The following AK9 variants were observed in gnomAD, a reference collection of about 807,000 sequenced individuals.
The protein encoded by AK9 is adenylate kinase domain containing 1.
AK9 carries 191 observed loss-of-function variants against 239.6 expected under a neutral mutation model. The observed-to-expected ratio is 0.80, with a 90% CI of 0.71 to 0.90. The LOEUF (loss-of-function observed/expected upper bound fraction) is 0.90. Among genes scored for constraint, AK9 ranks in the 40% least tolerant of loss-of-function variants. The pLI is 0.00. For missense variants in AK9, 1,995 were observed against 2,214.7 expected (o/e 0.90, Z 1.99); for synonymous variants, 689 against 721.0 (o/e 0.96, Z 0.71).
chr6:109,545,643 T>A (rs1783452255), intron 26 of AK9, among the ~76,000 whole-genome samples: 1 of 152,104 alleles, frequency 6.6e-6, no homozygotes, highest in Non-Finnish European at 1.5e-5. Flanking sequence ...TGTCTTTCTT[T>A]TGTAAATTGC....
At chr6:109,533,513 TG>T (rs1461164538) in intron 27 of AK9, 43 bp from the exon 28 acceptor site, 1 of 1,460,382 alleles carries the variant, frequency 6.8e-7, no homozygotes, top group East Asian at 2.3e-5. Context: ...ATTAAAATGT[TG>T]TAATGGATGT....
intron 39 of AK9, among the ~76,000 whole-genome samples, chr6:109,494,849 A>C (rs1776873728): frequency 6.7e-6 from 1 of 150,148 alleles, no homozygotes; most frequent in South Asian, 2.1e-4. Flanking sequence ...AAAAAGTTAT[A>C]CTTGGATAAA....
intron 20 of AK9, among the ~76,000 whole-genome samples, chr6:109,576,751 T>G (rs1011713853): frequency 6.6e-6 from 1 of 151,974 alleles, no homozygotes; most frequent in Non-Finnish European, 1.5e-5. Flanking sequence ...TGGGCATCCT[T>G]GTCTTGTTCT....
rs754683982 is a variant in AK9 at position 109,499,129 on chromosome 6, A to C, written c.4961T>G (p.Phe1654Cys). ...PVSLAESQEL[F>C]DCSATDSLEF... ...CAAGGAGTCAGTTGCAGAGCAATCA[A>C]ATAATTCCTGGGATTCTGCCAGGCT... The change falls in exon 36 of 41, where the codon TTT becomes TGT. Residue 1654 changes from phenylalanine (F) to cysteine (C), a missense_variant. Around this residue, in one of 5 missense-constraint regions of AK9, gnomAD observed 391 missense variants for 456.0 expected, o/e 0.86. Coordinates refer to ENST00000424296, the MANE Select transcript of AK9 (RefSeq NM_001145128.3). 1 of 1,610,758 alleles carries C rather than the reference A, an allele frequency of 6.2e-7. No homozygotes were observed. The highest frequency in any genetic ancestry group is 8.5e-7 in the Non-Finnish European group (1 of 1,178,416).
intron 33 of AK9, among the ~76,000 whole-genome samples, chr6:109,508,938 C>T (rs1254446477): frequency 6.6e-6 from 1 of 152,144 alleles, no homozygotes; most frequent in Admixed American, 6.5e-5. Context: ...TTGGACAACT[C>T]AGGGGTTGCT....
intron 17 of AK9, among the ~76,000 whole-genome samples, chr6:109,608,078 C>A (rs550354857): frequency 6.6e-6 from 1 of 151,790 alleles, no homozygotes; most frequent in East Asian, 1.9e-4. Context: ...GAGTTCTAGG[C>A]CACATTGGCC....
intron 27 of AK9, among the ~76,000 whole-genome samples, chr6:109,537,105 G>A (rs183985086): frequency 8.1e-4 from 123 of 152,282 alleles, no homozygotes; most frequent in African/African-American, 2.8e-3. Flanking sequence ...GTATCAGGAT[G>A]ATGTTGGCCT....
Position 109,671,997 on chromosome 6 carries a change from T to C in AK9, c.253A>G (p.Ser85Gly), listed in dbSNP as rs143883482. The C allele has an allele frequency of 3.8e-4, 610 of 1,614,016 alleles. 2 individuals carry two copies. The African/African-American group carries it at 6.8e-3, about 18-fold the overall frequency. The change falls in exon 5 of 41, where the codon AGC becomes GGC. Residue 85 changes from serine to glycine, a missense_variant. Physicochemically the swap from Ser to Gly is moderately conservative, Grantham distance 56. This residue lies in a region of AK9 where 252 missense variants were observed against 246.4 expected (regional missense o/e 1.02). Transcript: ENST00000424296. ...SGVMLQSMLISGQSIPDELVI... is the reference protein window; with the variant it reads ...SGVMLQSMLIGGQSIPDELVI... ...AGTTCATCTGGAATGCTTTGACCGC[T>C]GATCAACATTGATTGCAACTAAGGA...
intron 30 of AK9, 59 bp downstream of exon 30, chr6:109,516,371 T>G: frequency 1.4e-6 from 2 of 1,430,588 alleles, no homozygotes; most frequent in Non-Finnish European, 1.9e-6. Context: ...ACTAAATTGC[T>G]TTAGTCTGAT....
rs554582651 is a variant in AK9 at position 109,580,262 on chromosome 6, C to T, written c.2115-636G>A. Among the ~76,000 whole-genome samples, 509 of 151,990 alleles carry T rather than the reference C, an allele frequency of 3.3e-3. 7 individuals carry two copies. The highest frequency in any genetic ancestry group is 0.012 in the African/African-American group (494 of 41,458). On this transcript the variant is annotated intron_variant, in intron 19 of 40. Transcript: ENST00000424296. The stretch of plus-strand genomic sequence containing the variant: ...ACCTGGAATATGGAGACTTAAAAAC[C>T]TGGGGGGAATCTGTTTTTCATTAGG...
chr6:109,598,259 T>G (rs1236506994), intron 17 of AK9, among the ~76,000 whole-genome samples: 1 of 144,558 alleles, frequency 6.9e-6, no homozygotes, highest in African/African-American at 2.6e-5. Context: ...GTGTGTGATG[T>G]TCCCCTTCCT....
chr6:109,550,377 T>C, intron 24 of AK9, 75 bp from the exon 25 acceptor site: 2 of 1,329,624 alleles, frequency 1.5e-6, no homozygotes, highest in Non-Finnish European at 1.0e-6. Context: ...TTTAAAATGC[T>C]TCTTGAATAA....
Position 109,551,467 on chromosome 6 carries a change from C to T in AK9, c.2752-1165G>A, listed in dbSNP as rs149044565. On this transcript the variant is annotated intron_variant, in intron 24 of 40. Coordinates refer to ENST00000424296, the MANE Select transcript of AK9 (RefSeq NM_001145128.3). Reference sequence around the variant, plus strand: ...CCGAGAGGTGGAGGCTGCAGTGAGCCGAGATGGCACACTGCACTCCAGCCA... The same window carrying T: ...CCGAGAGGTGGAGGCTGCAGTGAGCTGAGATGGCACACTGCACTCCAGCCA... 8.7e-3 allele frequency among the ~76,000 whole-genome samples: 1,286 copies of T among 148,646 alleles called. 15 individuals are homozygous for T. The highest frequency in any genetic ancestry group is 0.05 in the Middle Eastern group (14 of 280).
At position 109,568,567 on chromosome 6, in the gene AK9, C is replaced by A. The variant is rs949044103; in HGVS notation, c.2345-3722G>T. Among the ~76,000 whole-genome samples the A allele has an allele frequency of 3.9e-5, 6 of 152,182 alleles. No individual in the cohort carries two copies. In the East Asian group the frequency reaches 9.6e-4, roughly 24 times the overall value. On this transcript the variant is annotated intron_variant, in intron 21 of 40. Coordinates refer to ENST00000424296, the MANE Select transcript of AK9 (RefSeq NM_001145128.3). ...CCCAAAATCTCCTTAAGCTGATAAACAACTTCAGCAAAGTCTCAGGATACA... is the reference window on the plus strand; with the variant it reads ...CCCAAAATCTCCTTAAGCTGATAAAAAACTTCAGCAAAGTCTCAGGATACA...
intron 13 of AK9, among the ~76,000 whole-genome samples, chr6:109,616,615 G>T (rs565997532): frequency 6.6e-6 from 1 of 152,042 alleles, no homozygotes; most frequent in African/African-American, 2.4e-5. Context: ...AGCCTCAAGA[G>T]ATCGTCCCAC....
intron 12 of AK9, among the ~76,000 whole-genome samples, chr6:109,621,733 G>A (rs1794832792): frequency 7.3e-6 from 1 of 136,560 alleles, no homozygotes; most frequent in Non-Finnish European, 1.6e-5. Flanking sequence ...CACACTCTGG[G>A]GACTGTGGTG....
At chr6:109,539,696 C>T (rs1043011054) in intron 27 of AK9, among the ~76,000 whole-genome samples, 1 of 152,188 alleles carries the variant, frequency 6.6e-6, no homozygotes, top group African/African-American at 2.4e-5. Flanking sequence ...TTAGAATTTT[C>T]AGCTTTTCTG....
At chr6:109,672,423 C>T (rs1336514446) in intron 3 of AK9, among the ~76,000 whole-genome samples, 1 of 152,186 alleles carries the variant, frequency 6.6e-6, no homozygotes, top group African/African-American at 2.4e-5. Context: ...TGACTCATGT[C>T]TGCAATCCCA....
chr6:109,640,529 C>T (rs139837711), intron 10 of AK9, among the ~76,000 whole-genome samples: 1 of 152,028 alleles, frequency 6.6e-6, no homozygotes, highest in East Asian at 1.9e-4. Context: ...CCGCTGGGAG[C>T]TGCAGACTGG....
Sources: gnomAD v4.1 joint callset for allele counts (sites outside exome capture counted in the v4.1 genomes callset) on GRCh38, gnomAD v4.1.1 for gene constraint, gnomAD v4.1.1 regional missense constraint, MANE v1.5 for transcripts, NCBI Gene and HGNC (gene_info 2026-07-23, HGNC 2026-07-21) for gene names.